Variants in ZFAND3 observed in about 807,000 individuals in gnomAD.
ZFAND3 encodes AN1-type zinc finger protein 3.
In ZFAND3, 10 loss-of-function variants were observed where a neutral mutation model predicts 29.6. The observed-to-expected ratio is 0.34, with a 90% CI of 0.21 to 0.57. The LOEUF (loss-of-function observed/expected upper bound fraction) is 0.57, where lower values mean the gene tolerates loss of function less well. Ranked by LOEUF, ZFAND3 falls within the 20% of genes least tolerant of loss-of-function variation. The pLI is 0.86. For missense variants in ZFAND3, 230 were observed against 304.5 expected (o/e 0.76, Z 1.82); for synonymous variants, 128 against 112.6 (o/e 1.14, Z -0.87).
chr6:37,846,778 C>T (rs764255072), intron 1 of ZFAND3, among the ~76,000 whole-genome samples: 16 of 147,934 alleles, frequency 1.1e-4, no homozygotes, highest in Non-Finnish European at 2.4e-4. Flanking sequence ...GTGGCGTGAT[C>T]TCGGCTCACT....
intron 5 of ZFAND3, among the ~76,000 whole-genome samples, chr6:38,117,487 A>G (rs1260135761): frequency 2.6e-5 from 4 of 152,194 alleles, no homozygotes; most frequent in East Asian, 1.9e-4. Context: ...GACCACATGT[A>G]TCATGACACA....
intron 5 of ZFAND3, among the ~76,000 whole-genome samples, chr6:38,139,533 G>A (rs946257814): frequency 2.0e-5 from 3 of 152,182 alleles, no homozygotes; most frequent in African/African-American, 7.2e-5. Flanking sequence ...TAAGGCCTGA[G>A]TAAGCAAGAA....
chr6:37,836,998 A>G (rs1392985566), intron 1 of ZFAND3, among the ~76,000 whole-genome samples: 1 of 152,118 alleles, frequency 6.6e-6, no homozygotes, highest in Non-Finnish European at 1.5e-5. Flanking sequence ...AGTCTTTCCA[A>G]TTGTATGTTA....
At chr6:38,025,635 C>T (rs1363277344) in intron 2 of ZFAND3, among the ~76,000 whole-genome samples, 1 of 152,086 alleles carries the variant, frequency 6.6e-6, no homozygotes, top group Non-Finnish European at 1.5e-5. Context: ...AGCTTGCTTA[C>T]TCATCTTTTG....
chr6:37,838,883 A>G (rs1349211140), intron 1 of ZFAND3, among the ~76,000 whole-genome samples: 2 of 152,234 alleles, frequency 1.3e-5, no homozygotes, highest in African/African-American at 4.8e-5. Context: ...ACTTTTGAGT[A>G]AACTACCACC....
chr6:38,082,733 GA>G (rs1377139276), intron 4 of ZFAND3, among the ~76,000 whole-genome samples: 3 of 152,166 alleles, frequency 2.0e-5, no homozygotes, highest in Non-Finnish European at 2.9e-5. Context: ...AGACACAACA[GA>G]AATGCAGATC....
chr6:37,924,559 G>C (rs1383947444), intron 1 of ZFAND3, among the ~76,000 whole-genome samples: 1 of 152,090 alleles, frequency 6.6e-6, no homozygotes, highest in East Asian at 1.9e-4. Context: ...CAGGCCACAG[G>C]AGTTGTAGCT....
chr6:37,954,178 T>C (rs1019282518), intron 2 of ZFAND3, among the ~76,000 whole-genome samples: 6 of 152,190 alleles, frequency 3.9e-5, no homozygotes, highest in Admixed American at 3.9e-4. Context: ...TTGAGTAATA[T>C]GATTATGATG....
At chr6:37,867,836 T>A (rs971792115) in intron 1 of ZFAND3, among the ~76,000 whole-genome samples, 6 of 152,240 alleles carry the variant, frequency 3.9e-5, no homozygotes, top group African/African-American at 1.4e-4. Flanking sequence ...TGTACTATAG[T>A]GAAAAAGTAC....
intron 4 of ZFAND3, among the ~76,000 whole-genome samples, chr6:38,082,912 T>C (rs1168997928): frequency 6.6e-6 from 1 of 152,178 alleles, no homozygotes; most frequent in Non-Finnish European, 1.5e-5. Flanking sequence ...AAATTTCTCT[T>C]CTAGATGCAT....
At chr6:38,079,231 A>G (rs753936661) in intron 3 of ZFAND3, among the ~76,000 whole-genome samples, 1 of 152,156 alleles carries the variant, frequency 6.6e-6, no homozygotes, top group African/African-American at 2.4e-5. Flanking sequence ...ACATTGCCCA[A>G]TTATCAAAGC....
At position 38,082,476 on chromosome 6, in the gene ZFAND3, T is replaced by A. The variant is rs200493450; in HGVS notation, c.361+19T>A. ...GGTACAGGTATGTACGTCATTCTTA[T>A]GTGAATTCATCCTTATTTGAATTCT... On this transcript the variant is annotated intron_variant, in intron 4 of 5. Coordinates refer to ENST00000287218, the MANE Select transcript of ZFAND3 (RefSeq NM_021943.3). 5 of 1,605,948 alleles carry A rather than the reference T, an allele frequency of 3.1e-6. No homozygotes were observed. The Admixed American group carries it at 8.4e-5, about 27-fold the overall frequency.
intron 2 of ZFAND3, among the ~76,000 whole-genome samples, chr6:37,999,972 A>G (rs1158111953): frequency 6.6e-6 from 1 of 152,200 alleles, no homozygotes; most frequent in African/African-American, 2.4e-5. Flanking sequence ...CTTTTTATAA[A>G]TCTAAAACTA....
chr6:38,144,190 TATATA>T (rs1422109083), intron 5 of ZFAND3, among the ~76,000 whole-genome samples: 1 of 41,174 alleles, frequency 2.4e-5, no homozygotes, highest in Non-Finnish European at 5.2e-5. Context: ...ATATAATATA[TATATA>T]TATATATATA....
intron 2 of ZFAND3, among the ~76,000 whole-genome samples, chr6:37,965,910 G>A (rs556308008): frequency 1.3e-5 from 2 of 152,222 alleles, no homozygotes; most frequent in African/African-American, 4.8e-5. Context: ...CTATAGGCAT[G>A]TGCTACCATG....
chr6:38,064,801 A>G (rs1250771413), intron 3 of ZFAND3, among the ~76,000 whole-genome samples: 1 of 150,562 alleles, frequency 6.6e-6, no homozygotes, highest in African/African-American at 2.4e-5. Flanking sequence ...TCTTAGACTT[A>G]TACTCTCTGA....
chr6:38,069,599 T>C (rs1288400007), intron 3 of ZFAND3, among the ~76,000 whole-genome samples: 1 of 152,242 alleles, frequency 6.6e-6, no homozygotes, highest in Non-Finnish European at 1.5e-5. Context: ...GGCTGTGTTC[T>C]GAAAAGATTG....
chr6:38,109,808 T>C (rs1765279763), intron 4 of ZFAND3, among the ~76,000 whole-genome samples: 2 of 152,256 alleles, frequency 1.3e-5, no homozygotes, highest in South Asian at 2.1e-4. Context: ...TAGTCAAAAA[T>C]GTCTCCGCAG....
In ZFAND3 at chr6:38,137,864, C is replaced by A. The variant is rs528363409; in HGVS notation, c.530-14371C>A. ...AGGAAGAGAAAGCTGGCCAGCCCGG[C>A]CAGAGCACAGTGCGTTGCGGGAGGA... On this transcript the variant is annotated intron_variant, in intron 5 of 5. Coordinates refer to ENST00000287218, the MANE Select transcript of ZFAND3 (RefSeq NM_021943.3). Among the ~76,000 whole-genome samples the A allele has an allele frequency of 4.4e-4, 67 of 152,268 alleles. 2 individuals carry two copies. The South Asian group carries it at 0.014, about 31-fold the overall frequency.
Sources: allele counts gnomAD v4.1 joint callset (sites outside exome capture counted in the v4.1 genomes callset), GRCh38; gene constraint gnomAD v4.1.1; transcripts MANE v1.5; gene names NCBI Gene and HGNC (gene_info 2026-07-23, HGNC 2026-07-21).